Variants in RAPGEF4 observed in about 807,000 individuals in gnomAD.
RAPGEF4 encodes the protein Rap guanine nucleotide exchange factor 4.
Under a neutral mutation model 147.9 loss-of-function variants are expected in RAPGEF4, and 66 were observed. The observed-to-expected ratio is 0.45, with a 90% CI of 0.37 to 0.55. The LOEUF (loss-of-function observed/expected upper bound fraction) is 0.55, where lower values mean the gene tolerates loss of function less well. RAPGEF4 is among the 20% of genes least tolerant of loss of function. RAPGEF4 has a pLI of 0.00. For synonymous variants in RAPGEF4, 419 were observed against 442.7 expected (o/e 0.95, Z 0.67); for missense variants, 1,071 against 1,257.3 (o/e 0.85, Z 2.24).
At chr2:173,020,395 T>C (rs1387164250) in intron 22 of RAPGEF4, among the ~76,000 whole-genome samples, 2 of 152,174 alleles carry the variant, frequency 1.3e-5, no homozygotes, top group Non-Finnish European at 2.9e-5. Flanking sequence ...CCCTCTGGCA[T>C]CTCTATTCCT....
intron 1 of RAPGEF4, among the ~76,000 whole-genome samples, chr2:172,762,185 C>T (rs1696413752): frequency 6.6e-6 from 1 of 152,108 alleles, no homozygotes; most frequent in Non-Finnish European, 1.5e-5. Flanking sequence ...TTTTAAAAGC[C>T]CCTCAATAAT....
intron 1 of RAPGEF4, among the ~76,000 whole-genome samples, chr2:172,771,128 A>C (rs1311111568): frequency 6.6e-6 from 1 of 151,944 alleles, no homozygotes; most frequent in Non-Finnish European, 1.5e-5. Flanking sequence ...GTAAACAATA[A>C]ATTATTTAAA....
At chr2:172,973,106 T>C (rs1239340708) in intron 10 of RAPGEF4, among the ~76,000 whole-genome samples, 1 of 117,074 alleles carries the variant, frequency 8.5e-6, no homozygotes, top group African/African-American at 2.8e-5. Flanking sequence ...CCTTTTTTTT[T>C]CTTTTTTTTT....
chr2:173,040,558 C>T lies in RAPGEF4; in HGVS notation c.2853+3866C>T, dbSNP rs552803056. ...GAGGTCACCAGGGTAGCCAGGAATA[C>T]AGATACCTTTTCTTGGTGGCAGCAT... On this transcript the variant is annotated intron_variant, in intron 29 of 30. Coordinates refer to ENST00000397081, the MANE Select transcript of RAPGEF4 (RefSeq NM_007023.4). Among the ~76,000 whole-genome samples the T allele has an allele frequency of 1.1e-4, 16 of 152,316 alleles. No individual in the cohort carries two copies. In the Middle Eastern group the frequency reaches 0.01, roughly 97 times the overall value.
intron 10 of RAPGEF4, 113 bp from the exon 11 acceptor site, chr2:172,983,383 T>G (rs558214249): frequency 1.3e-6 from 2 of 1,503,386 alleles, no homozygotes; most frequent in Non-Finnish European, 1.8e-6. Flanking sequence ...GCCAATATCT[T>G]CTTGTGCAGA....
At chr2:173,003,028 T>TA (rs1694087835) in intron 17 of RAPGEF4, among the ~76,000 whole-genome samples, 1 of 152,178 alleles carries the variant, frequency 6.6e-6, no homozygotes, top group Non-Finnish European at 1.5e-5. Context: ...TGGTTTTTTT[T>TA]AGCAGATAAG....
intron 1 of RAPGEF4, among the ~76,000 whole-genome samples, chr2:172,762,145 C>T (rs1696411160): frequency 6.6e-6 from 1 of 152,168 alleles, no homozygotes; most frequent in Non-Finnish European, 1.5e-5. Context: ...AACAAACATG[C>T]TGCTTTCTTC....
At chr2:172,850,560 G>A (rs112356195) in intron 4 of RAPGEF4, among the ~76,000 whole-genome samples, 1 of 151,852 alleles carries the variant, frequency 6.6e-6, no homozygotes, top group African/African-American at 2.4e-5. Flanking sequence ...GGAGCTTGCA[G>A]TGAGCCAAGA....
chr2:172,891,779 A>G (rs1697945419), intron 4 of RAPGEF4, among the ~76,000 whole-genome samples: 1 of 152,242 alleles, frequency 6.6e-6, no homozygotes, highest in Non-Finnish European at 1.5e-5. Flanking sequence ...AATTCTGATG[A>G]CATAAATACA....
At chr2:172,784,352 A>G (rs1684980375) in intron 1 of RAPGEF4, among the ~76,000 whole-genome samples, 1 of 152,018 alleles carries the variant, frequency 6.6e-6, no homozygotes, top group Non-Finnish European at 1.5e-5. Flanking sequence ...CCCCATCTCC[A>G]CTAAAAATAC....
intron 8 of RAPGEF4, among the ~76,000 whole-genome samples, chr2:172,961,957 A>T (rs1028738122): frequency 4.6e-5 from 7 of 152,218 alleles, no homozygotes; most frequent in African/African-American, 1.7e-4. Flanking sequence ...ATATATATTC[A>T]TATAGAATAT....
intron 23 of RAPGEF4, among the ~76,000 whole-genome samples, chr2:173,023,204 T>A (rs1251595445): frequency 6.6e-6 from 1 of 152,176 alleles, no homozygotes; most frequent in East Asian, 1.9e-4. Context: ...AATCCACACA[T>A]CCCTTTTATG....
intron 3 of RAPGEF4, among the ~76,000 whole-genome samples, chr2:172,813,808 A>C (rs1461743917): frequency 6.6e-6 from 1 of 152,242 alleles, no homozygotes; most frequent in Non-Finnish European, 1.5e-5. Context: ...AAGTAGAAAC[A>C]ACCCAAATGT....
chr2:172,918,660 G>A (rs1206018493), intron 5 of RAPGEF4, among the ~76,000 whole-genome samples: 1 of 152,204 alleles, frequency 6.6e-6, no homozygotes, highest in Non-Finnish European at 1.5e-5. Flanking sequence ...CTTTTGATCT[G>A]TTCATGCATG....
At chr2:173,019,582 C>G (rs1364360850) in intron 22 of RAPGEF4, among the ~76,000 whole-genome samples, 1 of 152,228 alleles carries the variant, frequency 6.6e-6, no homozygotes, top group Non-Finnish European at 1.5e-5. Context: ...TTGGCGGAAT[C>G]CTTCAGGAAC....
intron 1 of RAPGEF4, among the ~76,000 whole-genome samples, chr2:172,756,558 A>G (rs370342262): frequency 2.0e-5 from 3 of 152,308 alleles, no homozygotes; most frequent in African/African-American, 7.2e-5. Context: ...CTCCTTGGAC[A>G]GGAGTCCTCT....
At chr2:172,905,547 G>A (rs1312226060) in intron 4 of RAPGEF4, among the ~76,000 whole-genome samples, 1 of 152,220 alleles carries the variant, frequency 6.6e-6, no homozygotes, top group African/African-American at 2.4e-5. Flanking sequence ...CAGGCCAGGA[G>A]GAGAGAGCAT....
intron 6 of RAPGEF4, among the ~76,000 whole-genome samples, chr2:172,952,198 A>T (rs1313689052): frequency 1.3e-5 from 2 of 152,152 alleles, no homozygotes; most frequent in South Asian, 4.2e-4. Context: ...ATTAGAGATT[A>T]TAAAGGGAAA....
At chr2:173,041,737 C>T (rs16861227) in intron 29 of RAPGEF4, among the ~76,000 whole-genome samples, 12,407 of 152,230 alleles carry the variant, frequency 0.082, 654 homozygotes, top group African/African-American at 0.13. Flanking sequence ...ACTTTGTCTT[C>T]TCTGTATCCA....
Sources: gnomAD v4.1 joint callset for allele counts (sites outside exome capture counted in the v4.1 genomes callset) on GRCh38, gnomAD v4.1.1 for gene constraint, MANE v1.5 for transcripts, NCBI Gene and HGNC (gene_info 2026-07-23, HGNC 2026-07-21) for gene names.